The following FREM2 variants were observed in gnomAD, a reference collection of about 807,000 sequenced individuals.
FREM2 encodes the protein FRAS1 related extracellular matrix 2, also known as FRAS1-related extracellular matrix protein 2.
A neutral mutation model predicts 219.9 loss-of-function variants in FREM2; 119 were observed. The observed-to-expected ratio is 0.54, with a 90% CI of 0.47 to 0.63. FREM2 has a LOEUF of 0.63. Ranked by LOEUF, FREM2 falls within the 30% of genes least tolerant of loss-of-function variation. The pLI is 0.00. For missense variants in FREM2, 4,030 were observed against 3,993.6 expected, an observed-to-expected ratio of 1.01 and a Z score of -0.25; for synonymous variants, 1,562 against 1,522.8, an observed-to-expected ratio of 1.03 and a Z score of -0.60.
At chr13:38,876,207 C>G in intron 19 of FREM2, 41 bp from the exon 20 acceptor site, 1 of 1,613,998 alleles carries the variant, frequency 6.2e-7, no homozygotes, top group Non-Finnish European at 8.5e-7. Flanking sequence ...GATTACACCT[C>G]AGATTTTTAA....
chr13:38,848,816 A>T (rs541137653), intron 8 of FREM2, 146 bp downstream of exon 8: 214 of 738,774 alleles, frequency 2.9e-4, no homozygotes, highest in Middle Eastern at 1.2e-3. Flanking sequence ...GGTGGCTTAA[A>T]TAACAGAAAT....
chr13:38,850,598 A>G (rs1877334023), intron 9 of FREM2, among the ~76,000 whole-genome samples: 1 of 152,236 alleles, frequency 6.6e-6, no homozygotes, highest in Non-Finnish European at 1.5e-5. Context: ...ATTAACAATG[A>G]TCAACCAGGG....
chr13:38,857,920 G>A lies in FREM2; in HGVS notation c.7102G>A (p.Asp2368Asn), dbSNP rs1228094575. The A allele has an allele frequency of 6.2e-7, 1 of 1,613,704 alleles. No individual in the cohort carries two copies. The highest frequency in any genetic ancestry group is 1.7e-5 in the Admixed American group (1 of 60,024). Reference sequence around the variant, plus strand: ...CATAGAAGAAATGAGCAGCATGGCAGATGTCACTTTTCCTTCTGTCCCTCA... The same window carrying A: ...CATAGAAGAAATGAGCAGCATGGCAAATGTCACTTTTCCTTCTGTCCCTCA... ...VYIEEMSSMA[D>N]VTFPSVPQIV... Residue 2368 changes from aspartate (D) to asparagine (N), a missense_variant, in exon 13 of 24, where the codon GAT becomes AAT. Physicochemically the swap from Asp to Asn is conservative, Grantham distance 23. Around this residue, in one of 2 missense-constraint regions of FREM2, gnomAD observed 928 missense variants for 1,042.9 expected, o/e 0.89. Transcript: ENST00000280481.
intron 6 of FREM2, among the ~76,000 whole-genome samples, chr13:38,823,250 A>G (rs894208281): frequency 5.3e-5 from 8 of 151,786 alleles, no homozygotes; most frequent in African/African-American, 9.7e-5. Context: ...CGAACTTCCT[A>G]TCTTGCCTGG....
rs1026827483 is a variant in FREM2, at chr13:38,878,819, T to C, written c.8860-12T>C. 3 of 1,614,070 alleles carry C rather than the reference T, an allele frequency of 1.9e-6. No individual in the cohort carries two copies. On this transcript the variant is annotated splice_polypyrimidine_tract_variant and intron_variant, in intron 22 of 23. Coordinates refer to ENST00000280481, the MANE Select transcript of FREM2 (RefSeq NM_207361.6). ...TATCTACAGCAATCACCACTTTCCT[T>C]ACTGCTTAAAGGACAAAGCTCAGCC...
chr13:38,792,764 G>A (rs1188104262), intron 6 of FREM2, among the ~76,000 whole-genome samples: 1 of 100,500 alleles, frequency 1.0e-5, no homozygotes, highest in Non-Finnish European at 2.4e-5. Flanking sequence ...AAAGCACTTT[G>A]ATTTGGGATT....
intron 12 of FREM2, 121 bp downstream of exon 12, chr13:38,856,377 A>G (rs1877561766): frequency 3.5e-6 from 3 of 857,592 alleles, no homozygotes; most frequent in Non-Finnish European, 5.8e-6. Flanking sequence ...CGTGAAAGAG[A>G]TATGCATAAT....
intron 6 of FREM2, among the ~76,000 whole-genome samples, chr13:38,830,232 A>G (rs1169703095): frequency 6.6e-6 from 1 of 152,190 alleles, no homozygotes; most frequent in Admixed American, 6.5e-5. Context: ...CAATGGCACA[A>G]TGAATGACAA....
chr13:38,784,135 C>T (rs1278240931), intron 5 of FREM2, among the ~76,000 whole-genome samples: 1 of 152,152 alleles, frequency 6.6e-6, no homozygotes, highest in Non-Finnish European at 1.5e-5. Context: ...CCTTGGACTC[C>T]GGGGTCCAGA....
rs951116472 is a variant in FREM2 at position 38,688,776 on chromosome 13, G to A, written c.1432G>A (p.Ala478Thr). The part of the protein sequence containing the change: ...LVISDEDDLE[A>T]VRLEVVAGLR... Reference sequence around the variant, plus strand: ...CATCAGCGATGAGGATGACCTAGAAGCAGTGCGGCTAGAGGTGGTGGCTGG... The same window carrying A: ...CATCAGCGATGAGGATGACCTAGAAACAGTGCGGCTAGAGGTGGTGGCTGG... Residue 478 changes from alanine to threonine, a missense_variant, in exon 1 of 24, where the codon GCA becomes ACA. Coordinates refer to ENST00000280481, the MANE Select transcript of FREM2 (RefSeq NM_207361.6). 6.2e-7 allele frequency: 1 copy of A among 1,614,152 alleles called. No homozygotes were observed. Among genetic ancestry groups the A allele is most frequent in the African/African-American group, 1.3e-5 (1 of 75,068 alleles).
rs556055385 is a variant in FREM2, at chr13:38,824,432, G to A, written c.6020-22141G>A. On this transcript the variant is annotated intron_variant, in intron 6 of 23. Transcript: ENST00000280481. ...GCTCGGTACACAAATAAAGACCGTGGCATTTTAGGAAAGAAAGAGTTTAAT... is the reference window on the plus strand; with the variant it reads ...GCTCGGTACACAAATAAAGACCGTGACATTTTAGGAAAGAAAGAGTTTAAT... Among the ~76,000 whole-genome samples, 3 of 152,198 alleles carry A rather than the reference G, an allele frequency of 2.0e-5. No individual in the cohort carries two copies. In the South Asian group the frequency reaches 6.2e-4, roughly 31 times the overall value.
rs766925861 is a variant in FREM2 at position 38,783,099 on chromosome 13, T to C, written c.5671T>C (p.Tyr1891His). ...EPTVFIPQSK[Y>H]SVEEDVGELF... ...AACTGTGTTTATTCCCCAGTCCAAA[T>C]ACTCCGTTGAAGAAGATGTTGGTGA... The change falls in exon 5 of 24, where the codon TAC (tyrosine) becomes CAC (histidine). Residue 1891 changes from tyrosine (Y) to histidine (H), a missense_variant. Tyr to His is a moderately conservative substitution (Grantham distance 83). Around this residue, in one of 2 missense-constraint regions of FREM2, gnomAD observed 3,102 missense variants for 2,950.7 expected, o/e 1.05. Coordinates refer to ENST00000280481, the MANE Select transcript of FREM2 (RefSeq NM_207361.6). The C allele has an allele frequency of 6.2e-7, 1 of 1,613,770 alleles. No individual in the cohort carries two copies. Among genetic ancestry groups the C allele is most frequent in the African/African-American group, 1.3e-5 (1 of 74,916 alleles).
chr13:38,880,463 A>T lies in FREM2; in HGVS notation c.9186A>T (p.Ala3062=), dbSNP rs752384878. 4 of 1,614,086 alleles carry T rather than the reference A, an allele frequency of 2.5e-6. No individual in the cohort carries two copies. The highest frequency in any genetic ancestry group is 1.6e-4 in the Middle Eastern group (1 of 6,062). ...KREIRSTPSL[A]WEIGAENSRG... is the part of the protein sequence containing the mutation. The stretch of plus-strand genomic sequence containing the variant: ...AGATCAGGAGCACACCCTCACTGGC[A>T]TGGGAGATTGGTGCTGAAAACAGTC... Residue 3062 remains alanine, a synonymous_variant, in exon 24 of 24, where the codon GCA becomes GCT. Transcript: ENST00000280481.
chr13:38,870,440 T>C (rs1166189782), intron 16 of FREM2, among the ~76,000 whole-genome samples: 4 of 152,226 alleles, frequency 2.6e-5, no homozygotes, highest in Non-Finnish European at 5.9e-5. Context: ...TCTCGGTTTC[T>C]TTAAGATTTG....
Position 38,733,663 on chromosome 13 carries a change from GTTTAT to G in FREM2, c.5264-30635_5264-30631del, listed in dbSNP as rs1470206792. ...TCAAATTCCTTTCCTTTGTCTTACT[GTTTAT>G]TTTATGTTATTTTATTTTATTTTGA... On this transcript the variant is annotated intron_variant, in intron 2 of 23. Transcript: ENST00000280481. Among the ~76,000 whole-genome samples, 37 of 152,138 alleles carry G rather than the reference GTTTAT, an allele frequency of 2.4e-4. 1 individual carries two copies. The highest frequency in any genetic ancestry group is 8.7e-4 in the African/African-American group (36 of 41,510).
intron 2 of FREM2, among the ~76,000 whole-genome samples, chr13:38,756,806 G>A (rs562193302): frequency 2.0e-5 from 3 of 152,122 alleles, no homozygotes; most frequent in Admixed American, 2.0e-4. Context: ...CTTCCAAAGT[G>A]CTGGGATTAC....
intron 6 of FREM2, among the ~76,000 whole-genome samples, chr13:38,830,709 C>A (rs968978947): frequency 2.6e-5 from 4 of 152,200 alleles, no homozygotes; most frequent in African/African-American, 9.6e-5. Flanking sequence ...TCACGTCTTT[C>A]TTTTCCTTTA....
At chr13:38,825,505 T>C (rs1388345803) in intron 6 of FREM2, among the ~76,000 whole-genome samples, 5 of 152,122 alleles carry the variant, frequency 3.3e-5, no homozygotes, top group African/African-American at 7.2e-5. Flanking sequence ...GCTTTGTAGC[T>C]TACTTGAGTT....
In FREM2 at chr13:38,885,339, G is replaced by A. The variant is rs973982946; in HGVS notation, c.*4552G>A. 1 of 152,078 alleles carries A rather than the reference G, an allele frequency of 6.6e-6. No homozygotes were observed. Among genetic ancestry groups the A allele is most frequent in the Non-Finnish European group, 1.5e-5 (1 of 67,982 alleles). The allele number at this position is 152,078 out of a possible 1,614,324, so 9.4% of individuals were successfully genotyped here. The stretch of plus-strand genomic sequence containing the variant: ...TGCAAACTTTTGAACAGCAGTAATA[G>A]CTCCTTAGACACTCAGTATCTTTCT... On this transcript the variant is annotated 3_prime_UTR_variant, in exon 24 of 24. Coordinates refer to ENST00000280481, the MANE Select transcript of FREM2 (RefSeq NM_207361.6).
Sources: allele counts gnomAD v4.1 joint callset (sites outside exome capture counted in the v4.1 genomes callset), GRCh38; gene constraint gnomAD v4.1.1; regional missense constraint gnomAD v4.1.1; transcripts MANE v1.5; gene names NCBI Gene and HGNC (gene_info 2026-07-23, HGNC 2026-07-21).